Variants in FBN2 observed in about 807,000 individuals in gnomAD.
FBN2 encodes the protein fibrillin-2.
FBN2 carries 105 observed loss-of-function variants against 355.6 expected under a neutral mutation model. The observed-to-expected ratio is 0.30, with a 90% confidence interval of 0.25 to 0.35. The LOEUF is 0.35. Ranked by LOEUF, FBN2 falls within the 10% of genes least tolerant of loss-of-function variation. The pLI is 1.00. For missense variants in FBN2, 3,280 were observed against 3,758.7 expected (o/e 0.87, Z 3.33); for synonymous variants, 1,350 against 1,301.2 (o/e 1.04, Z -0.81).
chr5:128,490,575 G>A (rs1429378905), intron 5 of FBN2, among the ~76,000 whole-genome samples: 1 of 152,176 alleles, frequency 6.6e-6, no homozygotes, highest in Admixed American at 6.5e-5. Flanking sequence ...AGTATATATA[G>A]TAATGCATAA....
At chr5:128,419,974 C>A (rs1016698596) in intron 7 of FBN2, among the ~76,000 whole-genome samples, 19 of 152,124 alleles carry the variant, frequency 1.2e-4, no homozygotes, top group Non-Finnish European at 1.0e-4. Flanking sequence ...GGATTACAGG[C>A]GTGAGCCACC....
At chr5:128,503,217 T>C (rs147419049) in intron 5 of FBN2, among the ~76,000 whole-genome samples, 2 of 152,230 alleles carry the variant, frequency 1.3e-5, no homozygotes, top group South Asian at 4.1e-4. Context: ...CCTTCTGCCA[T>C]GATTATGAGG....
At position 128,337,981 on chromosome 5, in the gene FBN2, G is replaced by T; in HGVS notation, c.3598+16C>A. On this transcript the variant is annotated intron_variant, in intron 27 of 64. Coordinates refer to ENST00000262464, the MANE Select transcript of FBN2 (RefSeq NM_001999.4). Reference sequence around the variant, plus strand: ...GTTGTGCTGGGCAGGTTTATGTGCTGAGGAGATAAACTCACCCACACAGTC... The same window carrying T: ...GTTGTGCTGGGCAGGTTTATGTGCTTAGGAGATAAACTCACCCACACAGTC... 1 of 1,613,736 alleles carries T rather than the reference G, an allele frequency of 6.2e-7. No homozygotes were observed. Among genetic ancestry groups the T allele is most frequent in the South Asian group, 1.1e-5 (1 of 91,014 alleles).
intron 2 of FBN2, among the ~76,000 whole-genome samples, chr5:128,534,724 T>C (rs1414180012): frequency 6.6e-6 from 1 of 152,198 alleles, no homozygotes; most frequent in Admixed American, 6.5e-5. Flanking sequence ...AGTGGGGCCA[T>C]ACATATATTT....
intron 7 of FBN2, among the ~76,000 whole-genome samples, chr5:128,416,156 G>T (rs2127009323): frequency 6.6e-6 from 1 of 151,874 alleles, no homozygotes; most frequent in South Asian, 2.1e-4. Context: ...CTCCCAAGTA[G>T]CTAGGATTAC....
chr5:128,339,173 A>G (rs977875937), intron 25 of FBN2, 112 bp from the exon 26 acceptor site: 5 of 1,106,120 alleles, frequency 4.5e-6, no homozygotes, highest in Non-Finnish European at 6.8e-6. Flanking sequence ...TAACAGTACA[A>G]GGGTATGTTT....
chr5:128,285,561 G>C (rs554104381), intron 55 of FBN2, among the ~76,000 whole-genome samples: 5 of 152,236 alleles, frequency 3.3e-5, no homozygotes, highest in African/African-American at 1.2e-4. Flanking sequence ...GAGGATGATA[G>C]AATTTTAGAG....
chr5:128,339,163 TAACAGTACAAGGGTA>T, intron 25 of FBN2, 102 bp from the exon 26 acceptor site: 1 of 1,198,506 alleles, frequency 8.3e-7, no homozygotes, highest in Non-Finnish European at 1.2e-6. Flanking sequence ...AATTGCTGGC[TAACAGTACAAGGGTA>T]TGTTTTCAGT....
chr5:128,480,139 A>T (rs1295107770), intron 5 of FBN2, among the ~76,000 whole-genome samples: 1 of 139,526 alleles, frequency 7.2e-6, no homozygotes, highest in Non-Finnish European at 1.5e-5. Context: ...ATATACATAT[A>T]TATTATACAT....
chr5:128,361,943 T>A (rs1164708907), intron 18 of FBN2, 95 bp from the exon 19 acceptor site: 9 of 1,232,304 alleles, frequency 7.3e-6, no homozygotes, highest in Non-Finnish European at 1.1e-5. Context: ...TTTATTTCCC[T>A]CTTTCTTCTC....
chr5:128,335,144 T>C, intron 30 of FBN2, 26 bp downstream of exon 30: 8 of 1,614,010 alleles, frequency 5.0e-6, no homozygotes, highest in Non-Finnish European at 6.8e-6. Flanking sequence ...TGTGTATAAA[T>C]GTTTATCCTT....
intron 7 of FBN2, among the ~76,000 whole-genome samples, chr5:128,422,484 T>C (rs949059047): frequency 2.0e-5 from 3 of 152,068 alleles, no homozygotes; most frequent in African/African-American, 7.2e-5. Context: ...GGTTTTATGG[T>C]TAATGTGTTT....
chr5:128,259,960 C>T, intron 64 of FBN2, 131 bp from the exon 65 acceptor site: 2 of 899,846 alleles, frequency 2.2e-6, no homozygotes, highest in Non-Finnish European at 1.8e-6. Context: ...TCTGCACTCT[C>T]CTTACCAGCA....
At position 128,280,219 on chromosome 5, in the gene FBN2, A is replaced by T; in HGVS notation, c.7111T>A (p.Ser2371Thr). 1 of 1,612,634 alleles carries T rather than the reference A, an allele frequency of 6.2e-7. No homozygotes were observed. The highest frequency in any genetic ancestry group is 8.5e-7 in the Non-Finnish European group (1 of 1,178,928). ...YRCECNEGFQ[S>T]SSSGTECLDN... ...AGGCATTCAGTGCCTGAAGAACTTG[A>T]CTGGAATCCTTCATTACACTCACAT... The change falls in exon 56 of 65, where the codon TCA (serine) becomes ACA (threonine). Residue 2371 changes from serine (S) to threonine (T), a missense_variant. Ser to Thr is a moderately conservative substitution (Grantham distance 58, BLOSUM62 1). This residue lies in a region of FBN2 where 2,284 missense variants were observed against 2,749.5 expected (regional missense o/e 0.83). Transcript: ENST00000262464.
At chr5:128,446,217 A>T (rs1754059408) in intron 7 of FBN2, 1 of 337,434 alleles carries the variant, frequency 3.0e-6, no homozygotes, top group African/African-American at 2.1e-5. Flanking sequence ...TTAAGAAGAA[A>T]CATAAATGGC....
chr5:128,344,309 T>A, intron 25 of FBN2, 76 bp downstream of exon 25: 1 of 1,470,868 alleles, frequency 6.8e-7, no homozygotes, highest in Non-Finnish European at 9.5e-7. Flanking sequence ...GGATTAGCTT[T>A]TTAGGGCAGT....
chr5:128,392,160 G>A lies in FBN2; in HGVS notation c.1466-5C>T, dbSNP rs28763952. ...CTATTGTCTGGTTCAGAATTGCTACGGAAAATTAAAGCACAATTATATTTA... is the reference window on the plus strand; with the variant it reads ...CTATTGTCTGGTTCAGAATTGCTACAGAAAATTAAAGCACAATTATATTTA... On this transcript the variant is annotated splice_region_variant and splice_polypyrimidine_tract_variant and intron_variant, in intron 10 of 64. Coordinates refer to ENST00000262464, the MANE Select transcript of FBN2 (RefSeq NM_001999.4). 1.6e-3 allele frequency: 2,628 copies of A among 1,612,352 alleles called. 39 individuals carry two copies. In the African/African-American group the frequency reaches 0.029, roughly 18 times the overall value.
At chr5:128,411,446 A>G (rs1213976409) in intron 7 of FBN2, among the ~76,000 whole-genome samples, 4 of 152,174 alleles carry the variant, frequency 2.6e-5, no homozygotes, top group Non-Finnish European at 5.9e-5. Context: ...TGGAAAGCGG[A>G]CGGAGTGGGA....
intron 6 of FBN2, among the ~76,000 whole-genome samples, chr5:128,448,312 T>C (rs762542253): frequency 2.7e-5 from 4 of 146,870 alleles, no homozygotes; most frequent in Non-Finnish European, 6.1e-5. Flanking sequence ...TTTTCTTTCT[T>C]TTTTTTTTTT....
Sources: allele counts gnomAD v4.1 joint callset (sites outside exome capture counted in the v4.1 genomes callset), GRCh38; gene constraint gnomAD v4.1.1; regional missense constraint gnomAD v4.1.1; transcripts MANE v1.5; gene names NCBI Gene and HGNC (gene_info 2026-07-23, HGNC 2026-07-21).